LRMDA: variants seen among roughly 807,000 people sequenced by gnomAD.
LRMDA encodes leucine rich melanocyte differentiation associated.
Under a neutral mutation model 29.8 loss-of-function variants are expected in LRMDA, and 18 were observed. The observed-to-expected ratio is 0.60, with a 90% confidence interval of 0.42 to 0.90. The LOEUF (loss-of-function observed/expected upper bound fraction) is 0.90. LRMDA is among the 40% of genes least tolerant of loss of function. The probability of loss-of-function intolerance (pLI) is 0.00; values close to 1 mark genes in which losing one functional copy is unlikely to be tolerated. For synonymous variants in LRMDA, 125 were observed against 109.4 expected (o/e 1.14, Z -0.89); for missense variants, 273 against 273.9 (o/e 1.00, Z 0.02).
chr10:75,692,509 A>G (rs1354979672), intron 2 of LRMDA, among the ~76,000 whole-genome samples: 3 of 151,120 alleles, frequency 2.0e-5, no homozygotes, highest in Admixed American at 2.0e-4. Flanking sequence ...ATATGTATAC[A>G]TGTGTGTATA....
intron 2 of LRMDA, among the ~76,000 whole-genome samples, chr10:75,981,289 C>A (rs1847165591): frequency 6.6e-6 from 1 of 152,156 alleles, no homozygotes; most frequent in African/African-American, 2.4e-5. Flanking sequence ...TTGTATCATT[C>A]ATTCATCTAA....
intron 2 of LRMDA, among the ~76,000 whole-genome samples, chr10:75,559,507 G>C (rs377227646): frequency 0.012 from 1,872 of 150,458 alleles, 43 homozygotes; most frequent in African/African-American, 0.044. Flanking sequence ...ATGGTAGTTT[G>C]TTTTGCTGTG....
At chr10:75,696,856 G>A (rs1329896785) in intron 2 of LRMDA, among the ~76,000 whole-genome samples, 3 of 152,154 alleles carry the variant, frequency 2.0e-5, no homozygotes, top group Non-Finnish European at 4.4e-5. Context: ...GTGAGTGCTG[G>A]CGATGCAAGG....
At chr10:75,671,604 G>A (rs1255012116) in intron 2 of LRMDA, among the ~76,000 whole-genome samples, 1 of 152,094 alleles carries the variant, frequency 6.6e-6, no homozygotes, top group South Asian at 2.1e-4. Context: ...TATGGGCACA[G>A]GGAGGGCAAC....
chr10:76,329,072 GAC>G (rs1840871740), intron 6 of LRMDA, among the ~76,000 whole-genome samples: 1 of 152,164 alleles, frequency 6.6e-6, no homozygotes, highest in South Asian at 2.1e-4. Context: ...TTCACCTGGA[GAC>G]TGTTTCAGTC....
intron 5 of LRMDA, among the ~76,000 whole-genome samples, chr10:76,292,488 G>T (rs1276651435): frequency 6.6e-6 from 1 of 152,134 alleles, no homozygotes; most frequent in Non-Finnish European, 1.5e-5. Flanking sequence ...TGCCTTGAAT[G>T]GGCAATTTGC....
chr10:75,578,238 A>AAAAAAAAAAAAAAAAC (rs1564805418), intron 2 of LRMDA, among the ~76,000 whole-genome samples: 1 of 147,940 alleles, frequency 6.8e-6, no homozygotes, highest in African/African-American at 2.5e-5. Flanking sequence ...AAAAAAAAAA[A>AAAAAAAAAAAAAAAAC]AGCAGCAGTT....
chr10:75,646,845 A>G (rs1841528139), intron 2 of LRMDA, among the ~76,000 whole-genome samples: 1 of 152,278 alleles, frequency 6.6e-6, no homozygotes, highest in East Asian at 1.9e-4. Context: ...GAAGTAATAT[A>G]CTGTTAGGAA....
intron 5 of LRMDA, among the ~76,000 whole-genome samples, chr10:76,317,610 G>T (rs1421356086): frequency 6.6e-6 from 1 of 152,180 alleles, no homozygotes; most frequent in Non-Finnish European, 1.5e-5. Context: ...GTCTCTCTCT[G>T]TCACCCAGGC....
intron 2 of LRMDA, among the ~76,000 whole-genome samples, chr10:75,489,384 T>C (rs1844955541): frequency 6.6e-6 from 1 of 152,232 alleles, no homozygotes; most frequent in Non-Finnish European, 1.5e-5. Flanking sequence ...TTATTTCATA[T>C]GAAGAACAAA....
Position 75,951,579 on chromosome 10 carries a change from G to A in LRMDA, c.132-84429G>A, listed in dbSNP as rs182313898. Among the ~76,000 whole-genome samples the A allele has an allele frequency of 1.1e-3, 174 of 152,324 alleles. 2 individuals are homozygous for A. Among genetic ancestry groups the A allele is most frequent in the Admixed American group, 0.01 (155 of 15,304 alleles). On this transcript the variant is annotated intron_variant, in intron 2 of 6. Transcript: ENST00000611255. ...CCATGGCATTCTCCTTGATTTGCGA[G>A]CTGGTGCATAGTCCTGAAGAGTCCC...
intron 5 of LRMDA, among the ~76,000 whole-genome samples, chr10:76,164,690 C>CCACAAT (rs1335851809): frequency 9.2e-5 from 14 of 151,962 alleles, no homozygotes; most frequent in African/African-American, 3.4e-4. Flanking sequence ...CTTGTAGATC[C>CCACAAT]CACAATACTT....
Position 76,364,515 on chromosome 10 carries a change from A to T in LRMDA, c.601+40030A>T, listed in dbSNP as rs568177742. ...AACAATTTAGAAAAGTTTATGTAAA[A>T]TTTCCAGGGAATTTTTCCATGTTGG... On this transcript the variant is annotated intron_variant, in intron 6 of 6. Transcript: ENST00000611255. Among the ~76,000 whole-genome samples the T allele has an allele frequency of 3.3e-5, 5 of 150,436 alleles. No homozygotes were observed. In the East Asian group the frequency reaches 9.8e-4, roughly 29 times the overall value.
intron 2 of LRMDA, among the ~76,000 whole-genome samples, chr10:75,837,885 T>C (rs1844469418): frequency 6.6e-6 from 1 of 152,198 alleles, no homozygotes; most frequent in African/African-American, 2.4e-5. Context: ...TTTTTACTCT[T>C]TTACCAATTT....
intron 5 of LRMDA, among the ~76,000 whole-genome samples, chr10:76,190,749 T>G (rs1013239407): frequency 5.9e-5 from 9 of 152,322 alleles, no homozygotes; most frequent in African/African-American, 1.9e-4. Flanking sequence ...TTTTGCACCA[T>G]GACAACAGGT....
At chr10:76,233,394 G>A (rs1484721842) in intron 5 of LRMDA, among the ~76,000 whole-genome samples, 2 of 152,176 alleles carry the variant, frequency 1.3e-5, no homozygotes, top group African/African-American at 4.8e-5. Flanking sequence ...TGCTGGTGAA[G>A]GGTATTGTTT....
chr10:76,375,740 C>G lies in LRMDA; in HGVS notation c.601+51255C>G, dbSNP rs11001758. 2.3e-4 allele frequency among the ~76,000 whole-genome samples: 23 copies of G among 101,208 alleles called. No homozygotes were observed. The South Asian group carries it at 4.0e-3, about 18-fold the overall frequency. The allele number at this position is 101,208 out of a possible 152,430, so 66.4% of individuals were successfully genotyped here. On this transcript the variant is annotated intron_variant, in intron 6 of 6. Transcript: ENST00000611255. ...CATGCTGAATTTTTTTTTTTTTTTT[C>G]GGGGGGAGAGGATATTTGACTTGGT...
At chr10:76,254,612 A>G (rs1852557283) in intron 5 of LRMDA, among the ~76,000 whole-genome samples, 1 of 152,124 alleles carries the variant, frequency 6.6e-6, no homozygotes, top group Non-Finnish European at 1.5e-5. Flanking sequence ...TTGTTCTGCT[A>G]TATAATGTAT....
intron 2 of LRMDA, among the ~76,000 whole-genome samples, chr10:76,000,844 T>A (rs1847550888): frequency 6.6e-6 from 1 of 152,156 alleles, no homozygotes; most frequent in Admixed American, 6.5e-5. Flanking sequence ...GGGAGCAGAA[T>A]GGAAGAGGAT....
Sources: gnomAD v4.1 joint callset for allele counts (sites outside exome capture counted in the v4.1 genomes callset) on GRCh38, gnomAD v4.1.1 for gene constraint, MANE v1.5 for transcripts, NCBI Gene and HGNC (gene_info 2026-07-23, HGNC 2026-07-21) for gene names.